The following CTBP2 variants were observed in gnomAD, a reference collection of about 807,000 sequenced individuals.
The protein encoded by CTBP2 is C-terminal-binding protein 2.
Under a neutral mutation model 80.3 loss-of-function variants are expected in CTBP2, and 30 were observed. The observed-to-expected ratio is 0.37, with a 90% confidence interval of 0.28 to 0.51. The LOEUF is 0.51. CTBP2 is among the 20% of genes least tolerant of loss of function. CTBP2 has a pLI of 0.93. For missense variants in CTBP2, 1,212 were observed against 1,375.3 expected, an observed-to-expected ratio of 0.88 and a Z score of 1.88; for synonymous variants, 594 against 587.4, an observed-to-expected ratio of 1.01 and a Z score of -0.16.
chr10:125,145,643 C>T (rs76475511), intron 1 of CTBP2, among the ~76,000 whole-genome samples: 2 of 152,120 alleles, frequency 1.3e-5, no homozygotes, highest in Admixed American at 1.3e-4. Flanking sequence ...ATGACATTCA[C>T]GCCACCATAA....
intron 1 of CTBP2, among the ~76,000 whole-genome samples, chr10:125,012,032 T>G (rs1955984898): frequency 6.6e-6 from 1 of 152,210 alleles, no homozygotes; most frequent in South Asian, 2.1e-4. Flanking sequence ...CCTGTGTGAA[T>G]GCAGACACTG....
At chr10:125,143,123 G>GC (rs1203879736) in intron 1 of CTBP2, among the ~76,000 whole-genome samples, 4 of 152,056 alleles carry the variant, frequency 2.6e-5, no homozygotes, top group Non-Finnish European at 4.4e-5. Context: ...TAGCCCGGCA[G>GC]CCCCCCCACG....
At chr10:125,108,801 G>C (rs1440797677) in intron 2 of CTBP2, among the ~76,000 whole-genome samples, 1 of 152,268 alleles carries the variant, frequency 6.6e-6, no homozygotes, top group African/African-American at 2.4e-5. Flanking sequence ...TCACAGCACA[G>C]TGACCATGCT....
intron 2 of CTBP2, among the ~76,000 whole-genome samples, chr10:125,106,020 G>A (rs965881338): frequency 1.3e-5 from 2 of 152,134 alleles, no homozygotes; most frequent in Non-Finnish European, 2.9e-5. Flanking sequence ...CACGCTCCAA[G>A]CCTCAGAGAA....
At chr10:125,045,357 T>C (rs1173669340) in intron 2 of CTBP2, among the ~76,000 whole-genome samples, 1 of 152,222 alleles carries the variant, frequency 6.6e-6, no homozygotes, top group Non-Finnish European at 1.5e-5. Flanking sequence ...AAAGTGAATA[T>C]TGCTTCCTGA....
chr10:125,009,213 C>T (rs894537041), intron 1 of CTBP2, among the ~76,000 whole-genome samples: 13 of 152,206 alleles, frequency 8.5e-5, no homozygotes, highest in African/African-American at 3.1e-4. Context: ...AATTTATGTT[C>T]AAGTGCTATT....
chr10:125,039,586 A>G (rs1367272290), intron 2 of CTBP2, among the ~76,000 whole-genome samples: 1 of 152,240 alleles, frequency 6.6e-6, no homozygotes, highest in East Asian at 1.9e-4. Context: ...GGCTCTGCGA[A>G]GGCCTGCTGC....
intron 1 of CTBP2, among the ~76,000 whole-genome samples, chr10:125,009,903 C>T (rs1307694924): frequency 2.6e-5 from 4 of 152,178 alleles, no homozygotes; most frequent in Non-Finnish European, 4.4e-5. Context: ...GCTTTGTAAA[C>T]ATGTTTAACC....
At chr10:125,111,696 A>G (rs771659892) in intron 1 of CTBP2, among the ~76,000 whole-genome samples, 1 of 152,248 alleles carries the variant, frequency 6.6e-6, no homozygotes, top group Non-Finnish European at 1.5e-5. Context: ...GTGATGCATT[A>G]AACAGAACTC....
intron 1 of CTBP2, among the ~76,000 whole-genome samples, chr10:125,155,253 C>T (rs1388570871): frequency 6.6e-6 from 1 of 152,236 alleles, no homozygotes; most frequent in Non-Finnish European, 1.5e-5. Flanking sequence ...TGGTTCCCAT[C>T]CCGTCCACAG....
intron 2 of CTBP2, among the ~76,000 whole-genome samples, chr10:125,098,187 CA>C (rs1849845175): frequency 6.6e-6 from 1 of 152,178 alleles, no homozygotes; most frequent in African/African-American, 2.4e-5. Flanking sequence ...AATCAATGTT[CA>C]AAAAGTGCCT....
intron 2 of CTBP2, among the ~76,000 whole-genome samples, chr10:125,107,383 G>A (rs528439145): frequency 1.3e-5 from 2 of 152,338 alleles, no homozygotes; most frequent in African/African-American, 4.8e-5. Context: ...GAGCTCAGGA[G>A]GCCAAGGGCC....
chr10:125,036,233 A>G (rs901144578), intron 3 of CTBP2, among the ~76,000 whole-genome samples: 1 of 152,164 alleles, frequency 6.6e-6, no homozygotes, highest in Non-Finnish European at 1.5e-5. Context: ...CTTAGAAAAC[A>G]GGGAAAGGTT....
At chr10:125,036,730 A>C (rs1351357517) in intron 3 of CTBP2, among the ~76,000 whole-genome samples, 4 of 148,470 alleles carry the variant, frequency 2.7e-5, no homozygotes, top group African/African-American at 1.0e-4. Flanking sequence ...TGTGTGTTAG[A>C]TGTTCAAGGC....
upstream of CTBP2, chr10:125,162,438 C>T (rs887995791): frequency 2.0e-5 from 3 of 152,306 alleles, no homozygotes; most frequent in Non-Finnish European, 4.4e-5. Context: ...TTCTTAAATC[C>T]TGCCCCAGCC....
chr10:125,128,398 G>T (rs546028425), intron 1 of CTBP2, among the ~76,000 whole-genome samples: 1 of 152,318 alleles, frequency 6.6e-6, no homozygotes, highest in East Asian at 1.9e-4. Context: ...GGAAGCAGGG[G>T]AAGGGAGAGA....
intron 1 of CTBP2, among the ~76,000 whole-genome samples, chr10:125,020,564 T>C (rs1361054523): frequency 6.6e-6 from 1 of 152,202 alleles, no homozygotes; most frequent in East Asian, 1.9e-4. Flanking sequence ...GCAGCAGTCT[T>C]GGCTGACATG....
chr10:125,072,118 C>T (rs1414169601), intron 2 of CTBP2, among the ~76,000 whole-genome samples: 1 of 152,166 alleles, frequency 6.6e-6, no homozygotes, highest in East Asian at 1.9e-4. Context: ...TCGAGACCAG[C>T]CTGGCCAATA....
rs1850022073 is a variant in CTBP2 at position 125,098,692 on chromosome 10, G to GAGAGACAGAGAGAC, written c.-102+12297_-102+12298insGTCTCTCTGTCTCT. Among the ~76,000 whole-genome samples, 38 of 118,770 alleles carry GAGAGACAGAGAGAC rather than the reference G, an allele frequency of 3.2e-4. 1 individual carries two copies. The East Asian group carries it at 3.5e-3, about 11-fold the overall frequency. The allele number at this position is 118,770 out of a possible 152,430, so 77.9% of individuals were successfully genotyped here. A position where few individuals can be genotyped will look rare whatever the true frequency, so the allele number is the denominator to read the frequency against. ...AGAGAGAGAGAGAGAGAGAGAGAGA[G>GAGAGACAGAGAGAC]AGAGAGAGAGAGAGACAGAGAGAGA... On this transcript the variant is annotated intron_variant, in intron 2 of 10. Transcript: ENST00000337195.
Sources: allele counts gnomAD v4.1 joint callset (sites outside exome capture counted in the v4.1 genomes callset), GRCh38; gene constraint gnomAD v4.1.1; transcripts MANE v1.5; gene names NCBI Gene and HGNC (gene_info 2026-07-23, HGNC 2026-07-21).